Variants in B3GALT1 observed in about 807,000 individuals in gnomAD.
B3GALT1 encodes the protein UDP-Gal:betaGlcNAc beta 1,3-galactosyltransferase, polypeptide 1.
Under a neutral mutation model 23.2 loss-of-function variants are expected in B3GALT1, and 10 were observed. The observed-to-expected ratio is 0.43, with a 90% CI of 0.27 to 0.73. B3GALT1 has a LOEUF of 0.73. B3GALT1 is among the 30% of genes least tolerant of loss of function. The pLI, the probability that B3GALT1 is intolerant of heterozygous loss-of-function variation, is 0.21. For synonymous variants in B3GALT1, 156 were observed against 141.5 expected (o/e 1.10, Z -0.73); for missense variants, 299 against 405.4 (o/e 0.74, Z 2.25).
intron 1 of B3GALT1, among the ~76,000 whole-genome samples, chr2:167,463,718 G>A (rs1699301437): frequency 6.6e-6 from 1 of 152,156 alleles, no homozygotes; most frequent in Non-Finnish European, 1.5e-5. Context: ...TACTCCAGGA[G>A]TAGCCAAGTA....
chr2:167,426,147 AG>A (rs1233049666), intron 1 of B3GALT1, among the ~76,000 whole-genome samples: 1 of 152,218 alleles, frequency 6.6e-6, no homozygotes, highest in Non-Finnish European at 1.5e-5. Context: ...AGTTATTACC[AG>A]GATGATACAT....
intron 3 of B3GALT1, among the ~76,000 whole-genome samples, chr2:167,647,715 C>A (rs1459984810): frequency 6.6e-6 from 1 of 152,128 alleles, no homozygotes; most frequent in South Asian, 2.1e-4. Context: ...TGCCACAGAT[C>A]TAGTTCTTTT....
intron 2 of B3GALT1, among the ~76,000 whole-genome samples, chr2:167,577,388 C>A (rs889045312): frequency 6.6e-6 from 1 of 151,794 alleles, no homozygotes; most frequent in African/African-American, 2.4e-5. Flanking sequence ...TCAAGGTATT[C>A]ATTTATCAAG....
At chr2:167,825,323 C>T (rs114878286) in intron 4 of B3GALT1, among the ~76,000 whole-genome samples, 1,620 of 146,062 alleles carry the variant, frequency 0.011, 11 homozygotes, top group South Asian at 0.027. Context: ...ACAAGCAAAA[C>T]TTAGAGTGAG....
intron 4 of B3GALT1, among the ~76,000 whole-genome samples, chr2:167,854,594 T>C (rs1689963922): frequency 6.6e-6 from 1 of 152,290 alleles, no homozygotes; most frequent in Non-Finnish European, 1.5e-5. Context: ...ACAGCTGCCA[T>C]CTCATGCTGC....
intron 1 of B3GALT1, among the ~76,000 whole-genome samples, chr2:167,401,992 A>G (rs1457487368): frequency 6.6e-6 from 1 of 152,164 alleles, no homozygotes; most frequent in African/African-American, 2.4e-5. Flanking sequence ...AAATGGTTTG[A>G]GACAGTCCCT....
intron 3 of B3GALT1, among the ~76,000 whole-genome samples, chr2:167,776,014 A>G (rs747155712): frequency 4.0e-5 from 6 of 148,830 alleles, no homozygotes; most frequent in Non-Finnish European, 8.9e-5. Context: ...TTAGGTAACT[A>G]TATAAGTAGA....
intron 1 of B3GALT1, among the ~76,000 whole-genome samples, chr2:167,301,829 G>A (rs913919462): frequency 1.3e-5 from 2 of 152,188 alleles, no homozygotes; most frequent in African/African-American, 2.4e-5. Flanking sequence ...GATTACAGGT[G>A]TGAGCCACTG....
intron 1 of B3GALT1, among the ~76,000 whole-genome samples, chr2:167,458,359 G>A (rs971821707): frequency 1.2e-4 from 19 of 152,102 alleles, no homozygotes; most frequent in African/African-American, 3.6e-4. Context: ...ATTCATCCAC[G>A]CTTGGACACT....
intron 2 of B3GALT1, among the ~76,000 whole-genome samples, chr2:167,584,304 G>C (rs188671094): frequency 6.6e-6 from 1 of 152,150 alleles, no homozygotes; most frequent in Admixed American, 6.5e-5. Context: ...ACAGAGATGT[G>C]AGCCCTTTAT....
At chr2:167,321,307 AT>A (rs770603431) in intron 1 of B3GALT1, among the ~76,000 whole-genome samples, 46 of 152,288 alleles carry the variant, frequency 3.0e-4, no homozygotes, top group Non-Finnish European at 5.7e-4. Context: ...TACACAGAAA[AT>A]AATCTTAGAA....
chr2:167,731,752 G>A (rs889920851), intron 3 of B3GALT1, among the ~76,000 whole-genome samples: 5 of 152,198 alleles, frequency 3.3e-5, no homozygotes, highest in African/African-American at 1.2e-4. Flanking sequence ...GGCAGCCTCT[G>A]TTTCCTGTTC....
rs532599504 is a variant in B3GALT1 at position 167,790,807 on chromosome 2, A to AT, written c.-351-27858dup. On this transcript the variant is annotated intron_variant, in intron 3 of 4. Coordinates refer to ENST00000392690, the MANE Select transcript of B3GALT1 (RefSeq NM_020981.4). ...ATTTGCCATTTATTGTTCTAACAGG[A>AT]TTTTTTTAATATCAATTTTGCACCT... is the stretch of plus-strand genomic sequence containing the variant. Among the ~76,000 whole-genome samples the AT allele has an allele frequency of 5.9e-5, 9 of 152,204 alleles. No individual in the cohort carries two copies. The South Asian group carries it at 1.9e-3, about 32-fold the overall frequency.
At chr2:167,396,534 A>ATG (rs67013700) in intron 1 of B3GALT1, among the ~76,000 whole-genome samples, 275 of 142,236 alleles carry the variant, frequency 1.9e-3, no homozygotes, top group African/African-American at 6.6e-3. Context: ...ATATATATAT[A>ATG]TGTGTGTGTG....
intron 1 of B3GALT1, among the ~76,000 whole-genome samples, chr2:167,462,028 T>C (rs1386679060): frequency 6.6e-6 from 1 of 152,148 alleles, no homozygotes; most frequent in Non-Finnish European, 1.5e-5. Flanking sequence ...ATAGCAGATG[T>C]CAAGCTACCA....
intron 3 of B3GALT1, among the ~76,000 whole-genome samples, chr2:167,808,867 C>T (rs541198014): frequency 6.6e-6 from 1 of 152,272 alleles, no homozygotes; most frequent in South Asian, 2.1e-4. Context: ...TGGATAATAT[C>T]CTGCAGCGTG....
intron 1 of B3GALT1, among the ~76,000 whole-genome samples, chr2:167,331,781 C>A (rs1209072440): frequency 6.6e-6 from 1 of 152,160 alleles, no homozygotes; most frequent in Non-Finnish European, 1.5e-5. Context: ...TGGTAGGGTG[C>A]TCAGTTGGAG....
At chr2:167,701,936 AT>A (rs1686887668) in intron 3 of B3GALT1, among the ~76,000 whole-genome samples, 1 of 152,170 alleles carries the variant, frequency 6.6e-6, no homozygotes, top group South Asian at 2.1e-4. Context: ...TTTCTCATCC[AT>A]TTCAAATTAT....
intron 3 of B3GALT1, among the ~76,000 whole-genome samples, chr2:167,722,505 TTTAA>T (rs1387068850): frequency 6.6e-6 from 1 of 152,168 alleles, no homozygotes; most frequent in African/African-American, 2.4e-5. Context: ...TTGATTAGCT[TTTAA>T]TTAACTTTCT....
Sources: gnomAD v4.1 joint callset for allele counts (sites outside exome capture counted in the v4.1 genomes callset) on GRCh38, gnomAD v4.1.1 for gene constraint, MANE v1.5 for transcripts, NCBI Gene and HGNC (gene_info 2026-07-23, HGNC 2026-07-21) for gene names.